The following KCNG3 variants were observed in gnomAD, a reference collection of about 807,000 sequenced individuals.
The protein encoded by KCNG3 is voltage-gated potassium channel regulatory subunit KCNG3.
A neutral mutation model predicts 29.0 loss-of-function variants in KCNG3; 15 were observed. The ratio of observed to expected loss-of-function variants is 0.52; its 90% CI spans 0.35 to 0.80. The LOEUF is 0.80. Among genes scored for constraint, KCNG3 ranks in the 30% least tolerant of loss-of-function variants. KCNG3 has a pLI of 0.01. For synonymous variants in KCNG3, 322 were observed against 248.9 expected, an observed-to-expected ratio of 1.29 and a Z score of -2.76; for missense variants, 512 against 605.7, an observed-to-expected ratio of 0.85 and a Z score of 1.62.
chr2:42,446,642 T>C (rs763987642), intron 1 of KCNG3, among the ~76,000 whole-genome samples: 1 of 152,130 alleles, frequency 6.6e-6, no homozygotes, highest in Non-Finnish European at 1.5e-5. Context: ...GGCAACATTT[T>C]GAAAAGAATT....
the KCNG3 span, among the ~76,000 whole-genome samples, chr2:42,410,861 C>T: frequency 1.3e-5 from 2 of 152,126 alleles, no homozygotes; most frequent in African/African-American, 4.8e-5. Context: ...GGAAAGACTA[C>T]TTCGTTATGC....
the KCNG3 span, among the ~76,000 whole-genome samples, chr2:42,404,272 T>C: frequency 2.4e-4 from 36 of 150,738 alleles, no homozygotes; most frequent in Non-Finnish European, 3.3e-4. Flanking sequence ...GTTGATAGTA[T>C]TCTTTTCATC....
chr2:42,430,329 C>CT, the KCNG3 span, among the ~76,000 whole-genome samples: 1 of 151,418 alleles, frequency 6.6e-6, no homozygotes, highest in African/African-American at 2.4e-5. Context: ...GATTGTGCCA[C>CT]TGCACCCAGG....
downstream of KCNG3, among the ~76,000 whole-genome samples, chr2:42,437,038 T>C (rs1672389428): frequency 6.6e-6 from 1 of 152,158 alleles, no homozygotes; most frequent in Admixed American, 6.5e-5. Flanking sequence ...TTAGGTAAAA[T>C]ATGAAGACAT....
At chr2:42,434,666 C>CAAAAAAAAAA in the KCNG3 span, among the ~76,000 whole-genome samples, 6 of 64,696 alleles carry the variant, frequency 9.3e-5, 1 homozygote, top group African/African-American at 1.2e-4. Context: ...AACTCCATCT[C>CAAAAAAAAAA]AAAAAAAAAA....
chr2:42,453,841 G>A (rs1272959307), intron 1 of KCNG3, among the ~76,000 whole-genome samples: 2 of 151,962 alleles, frequency 1.3e-5, no homozygotes, highest in Admixed American at 1.3e-4. Flanking sequence ...CATAGTTTGA[G>A]GTCTTAGATT....
the KCNG3 span, among the ~76,000 whole-genome samples, chr2:42,426,059 T>TA: frequency 2.0e-5 from 3 of 152,202 alleles, no homozygotes; most frequent in African/African-American, 7.2e-5. Context: ...ACAACATACT[T>TA]ATAACAAAGT....
chr2:42,411,977 A>AATAC, the KCNG3 span, among the ~76,000 whole-genome samples: 94 of 152,226 alleles, frequency 6.2e-4, 1 homozygote, highest in Non-Finnish European at 1.2e-3. Flanking sequence ...TGATGAATCA[A>AATAC]ATACATACAT....
chr2:42,408,281 A>G, the KCNG3 span, among the ~76,000 whole-genome samples: 1 of 152,158 alleles, frequency 6.6e-6, no homozygotes, highest in Non-Finnish European at 1.5e-5. Flanking sequence ...CAGGCCACAT[A>G]GGGCCTGAAG....
chr2:42,402,484 A>G, the KCNG3 span, among the ~76,000 whole-genome samples: 147 of 152,346 alleles, frequency 9.6e-4, no homozygotes, highest in South Asian at 3.1e-3. Context: ...CCACTAGTTC[A>G]AGACCAGCCT....
At chr2:42,418,765 A>G in the KCNG3 span, among the ~76,000 whole-genome samples, 1 of 152,300 alleles carries the variant, frequency 6.6e-6, no homozygotes, top group South Asian at 2.1e-4. Context: ...AAACCTAGGG[A>G]GGCTCCACTG....
Position 42,487,293 on chromosome 2 carries a change from C to G in KCNG3, c.665+5544G>C, listed in dbSNP as rs373198916. Among the ~76,000 whole-genome samples, 3 of 149,734 alleles carry G rather than the reference C, an allele frequency of 2.0e-5. No individual in the cohort carries two copies. In the East Asian group the frequency reaches 5.9e-4, roughly 29 times the overall value. ...TTTAATGGGGTCCTAAATTAGAAAACAAAGTATTTGCAACTAATATCATAA... is the reference window on the plus strand; with the variant it reads ...TTTAATGGGGTCCTAAATTAGAAAAGAAAGTATTTGCAACTAATATCATAA... On this transcript the variant is annotated intron_variant, in intron 1 of 1. Transcript: ENST00000306078.
chr2:42,477,305 G>A (rs1263344579), intron 1 of KCNG3, among the ~76,000 whole-genome samples: 2 of 148,798 alleles, frequency 1.3e-5, no homozygotes, highest in East Asian at 2.0e-4. Flanking sequence ...AGAAAGGGAC[G>A]ATACATTAAA....
the KCNG3 span, among the ~76,000 whole-genome samples, chr2:42,410,334 G>A: frequency 8.5e-5 from 13 of 152,098 alleles, no homozygotes; most frequent in African/African-American, 3.1e-4. Context: ...AAGTGGTACT[G>A]CTTGATCAAG....
chr2:42,461,182 C>CA (rs34199989), intron 1 of KCNG3, among the ~76,000 whole-genome samples: 2,542 of 56,736 alleles, frequency 0.045, 52 homozygotes, highest in African/African-American at 0.074. Context: ...CAAAACAAAA[C>CA]AAAAAAAAAA....
intron 1 of KCNG3, among the ~76,000 whole-genome samples, chr2:42,483,205 G>A (rs766471289): frequency 3.3e-5 from 5 of 152,008 alleles, no homozygotes; most frequent in African/African-American, 2.4e-5. Context: ...GCTATTAAAT[G>A]TGTTATTAAT....
chr2:42,412,932 TTTTA>T, the KCNG3 span, among the ~76,000 whole-genome samples: 2 of 151,860 alleles, frequency 1.3e-5, no homozygotes, highest in Non-Finnish European at 2.9e-5. Context: ...TTTCTTTCTT[TTTTA>T]TTTATTTTTA....
chr2:42,487,784 T>C (rs1448148038), intron 1 of KCNG3, among the ~76,000 whole-genome samples: 2 of 152,212 alleles, frequency 1.3e-5, no homozygotes, highest in South Asian at 2.1e-4. Context: ...TGGATATACC[T>C]GCATAAAAGA....
intron 1 of KCNG3, among the ~76,000 whole-genome samples, chr2:42,492,461 T>G (rs1028237080): frequency 1.3e-5 from 2 of 152,240 alleles, no homozygotes; most frequent in African/African-American, 4.8e-5. Flanking sequence ...TAATTCAAAC[T>G]GCGCTTAGTT....
Sources: gnomAD v4.1 joint callset for allele counts (sites outside exome capture counted in the v4.1 genomes callset) on GRCh38, gnomAD v4.1.1 for gene constraint, MANE v1.5 for transcripts, NCBI Gene and HGNC (gene_info 2026-07-23, HGNC 2026-07-21) for gene names.